Variants in CTNNA3 observed in about 807,000 individuals in gnomAD.
The protein encoded by CTNNA3 is catenin alpha 3, also known as catenin alpha-3.
A neutral mutation model predicts 95.7 loss-of-function variants in CTNNA3; 76 were observed. The ratio of observed to expected loss-of-function variants is 0.79; its 90% CI spans 0.66 to 0.96. The LOEUF (loss-of-function observed/expected upper bound fraction) is 0.96. CTNNA3 is among the 40% of genes least tolerant of loss of function. CTNNA3 has a pLI of 0.00. For missense variants in CTNNA3, 1,191 were observed against 1,089.8 expected, an observed-to-expected ratio of 1.09 and a Z score of -1.31; for synonymous variants, 431 against 374.4, an observed-to-expected ratio of 1.15 and a Z score of -1.74.
At chr10:67,619,085 C>T (rs542168167) in intron 2 of CTNNA3, among the ~76,000 whole-genome samples, 2 of 152,210 alleles carry the variant, frequency 1.3e-5, no homozygotes, top group South Asian at 4.2e-4. Context: ...GACTTATTGT[C>T]TAGGAATAAA....
intron 9 of CTNNA3, among the ~76,000 whole-genome samples, chr10:66,751,068 G>C (rs1304204319): frequency 6.6e-6 from 1 of 152,090 alleles, no homozygotes; most frequent in Non-Finnish European, 1.5e-5. Flanking sequence ...AGGAGTTCAA[G>C]ACCAGCCTGG....
intron 5 of CTNNA3, among the ~76,000 whole-genome samples, chr10:67,423,970 T>C (rs1342751789): frequency 1.3e-5 from 2 of 152,210 alleles, no homozygotes; most frequent in Admixed American, 6.6e-5. Flanking sequence ...CATAGCTCTT[T>C]CTGGATCTTC....
chr10:66,099,398 A>G lies in CTNNA3; in HGVS notation c.1977+3759T>C, dbSNP rs117422254. 7.8e-4 allele frequency among the ~76,000 whole-genome samples: 119 copies of G among 152,306 alleles called. 1 individual carries two copies. The East Asian group carries it at 0.018, about 23-fold the overall frequency. ...GTGACAATAATGTCTCAGATGGATA[A>G]GAGATTGAAGATATAAATGTCATTT... is the stretch of plus-strand genomic sequence containing the variant. On this transcript the variant is annotated intron_variant, in intron 14 of 17. Coordinates refer to ENST00000433211, the MANE Select transcript of CTNNA3 (RefSeq NM_013266.4).
chr10:67,465,753 T>C (rs1847565153), intron 5 of CTNNA3, among the ~76,000 whole-genome samples: 1 of 152,142 alleles, frequency 6.6e-6, no homozygotes, highest in African/African-American at 2.4e-5. Flanking sequence ...TAGAATGTTC[T>C]TTTATTTGGA....
chr10:65,971,476 G>A (rs180951189), intron 16 of CTNNA3, among the ~76,000 whole-genome samples: 36 of 149,928 alleles, frequency 2.4e-4, no homozygotes, highest in African/African-American at 6.9e-4. Context: ...ACAGTCAGAA[G>A]TTATAAAAGT....
intron 11 of CTNNA3, among the ~76,000 whole-genome samples, chr10:66,497,914 C>T (rs915870094): frequency 2.6e-5 from 4 of 152,024 alleles, no homozygotes; most frequent in South Asian, 2.1e-4. Flanking sequence ...AGTCCACTAG[C>T]GATTGGATTG....
At chr10:66,470,766 C>T (rs1911299) in intron 11 of CTNNA3, among the ~76,000 whole-genome samples, 9,384 of 151,588 alleles carry the variant, frequency 0.062, 603 homozygotes, top group African/African-American at 0.16. Flanking sequence ...TCAGCCGTGT[C>T]GATGTGAAAG....
chr10:67,576,622 T>C (rs57125264), intron 3 of CTNNA3, among the ~76,000 whole-genome samples: 1,666 of 147,672 alleles, frequency 0.011, 41 homozygotes, highest in African/African-American at 0.04. Flanking sequence ...GTTACATATG[T>C]ATACATGTGC....
chr10:66,283,362 CA>C (rs1429926644), intron 12 of CTNNA3, among the ~76,000 whole-genome samples: 12 of 151,838 alleles, frequency 7.9e-5, no homozygotes, highest in African/African-American at 2.9e-4. Flanking sequence ...GTGTGCAATA[CA>C]GTAATAATTT....
chr10:66,500,493 C>A (rs1204343751), intron 11 of CTNNA3, among the ~76,000 whole-genome samples: 1 of 151,990 alleles, frequency 6.6e-6, no homozygotes, highest in Non-Finnish European at 1.5e-5. Flanking sequence ...ATTTTCTGAT[C>A]TAGTTTAAGA....
intron 15 of CTNNA3, among the ~76,000 whole-genome samples, chr10:66,009,221 C>T (rs1299744683): frequency 6.6e-6 from 1 of 152,172 alleles, no homozygotes; most frequent in African/African-American, 2.4e-5. Context: ...TGACCATCAT[C>T]TCTACTAAGA....
At chr10:66,173,022 T>A (rs1180208344) in intron 13 of CTNNA3, among the ~76,000 whole-genome samples, 1 of 152,068 alleles carries the variant, frequency 6.6e-6, no homozygotes, top group Admixed American at 6.6e-5. Context: ...AGAGGGAGTT[T>A]AAAGGGGAAT....
At chr10:66,146,577 CCA>C (rs1471424106) in intron 13 of CTNNA3, among the ~76,000 whole-genome samples, 1 of 151,986 alleles carries the variant, frequency 6.6e-6, no homozygotes, top group African/African-American at 2.4e-5. Context: ...GTTTTTTGAG[CCA>C]CAGTTTCACT....
intron 4 of CTNNA3, among the ~76,000 whole-genome samples, chr10:67,537,665 G>A (rs1250134349): frequency 3.9e-5 from 6 of 152,078 alleles, no homozygotes; most frequent in African/African-American, 1.2e-4. Context: ...CCTTACAAAA[G>A]CCCTGCATTC....
At chr10:66,111,047 T>C (rs936907458) in intron 13 of CTNNA3, among the ~76,000 whole-genome samples, 53 of 152,178 alleles carry the variant, frequency 3.5e-4, no homozygotes, top group Admixed American at 2.2e-3. Flanking sequence ...TGGCATCTAA[T>C]ATGGTTTGGA....
chr10:67,102,375 T>C (rs1858392529), intron 7 of CTNNA3, among the ~76,000 whole-genome samples: 1 of 151,750 alleles, frequency 6.6e-6, no homozygotes. Flanking sequence ...AAAGTGGTGA[T>C]GAGTCTTTTT....
At chr10:67,537,705 A>G (rs1217569246) in intron 4 of CTNNA3, among the ~76,000 whole-genome samples, 1 of 152,156 alleles carries the variant, frequency 6.6e-6, no homozygotes, top group African/African-American at 2.4e-5. Context: ...TAGAGTCTAA[A>G]ATAGGAATTA....
chr10:67,492,810 A>G (rs904448879), intron 5 of CTNNA3, among the ~76,000 whole-genome samples: 1 of 152,230 alleles, frequency 6.6e-6, no homozygotes, highest in Non-Finnish European at 1.5e-5. Flanking sequence ...CTATACTGAT[A>G]CTTACATCCA....
At chr10:66,540,513 A>G (rs1841812003) in intron 10 of CTNNA3, among the ~76,000 whole-genome samples, 1 of 152,158 alleles carries the variant, frequency 6.6e-6, no homozygotes, top group African/African-American at 2.4e-5. Context: ...TCAAAAACTG[A>G]AAGCTCTTAG....
Sources: allele counts gnomAD v4.1 joint callset (sites outside exome capture counted in the v4.1 genomes callset), GRCh38; gene constraint gnomAD v4.1.1; transcripts MANE v1.5; gene names NCBI Gene and HGNC (gene_info 2026-07-23, HGNC 2026-07-21).